Variants in PCDHGA3 observed in about 807,000 individuals in gnomAD.
PCDHGA3 encodes the protein protocadherin gamma-A3.
A neutral mutation model predicts 58.5 loss-of-function variants in PCDHGA3; 40 were observed. That is an observed-to-expected ratio of 0.68 (90% confidence interval 0.53 to 0.89). The LOEUF (loss-of-function observed/expected upper bound fraction) is 0.89. PCDHGA3 is among the 40% of genes least tolerant of loss of function. PCDHGA3 has a pLI of 0.00. For synonymous variants in PCDHGA3, 530 were observed against 525.7 expected (o/e 1.01, Z -0.11); for missense variants, 1,223 against 1,195.9 (o/e 1.02, Z -0.33).
intron 1 of PCDHGA3, chr5:141,404,885 G>C: frequency 1.2e-6 from 2 of 1,613,906 alleles, no homozygotes; most frequent in Non-Finnish European, 1.7e-6. Context: ...CCTTGTGGTG[G>C]CTGTACAGGA....
At position 141,352,366 on chromosome 5, in the gene PCDHGA3, G is replaced by T. The variant is rs186670703; in HGVS notation, c.2424+5909G>T. ...TGATCTCAGTGCTCTTTCTCCTCGC[G>T]GTGATTCTAGCGATCGCCCTGCGCC... On this transcript the variant is annotated intron_variant, in intron 1 of 3. Transcript: ENST00000253812. The T allele has an allele frequency of 3.3e-4, 532 of 1,614,022 alleles. 2 individuals are homozygous for T. In the East Asian group the frequency reaches 7.1e-3, roughly 22 times the overall value.
At position 141,346,408 on chromosome 5, in the gene PCDHGA3, T is replaced by G; in HGVS notation, c.2375T>G (p.Leu792Arg). The G allele has an allele frequency of 6.2e-7, 1 of 1,614,280 alleles. No homozygotes were observed. The highest frequency in any genetic ancestry group is 8.5e-7 in the Non-Finnish European group (1 of 1,180,052). The change falls in exon 1 of 4, where the codon CTG (leucine) becomes CGG (arginine). Residue 792 changes from leucine to arginine, a missense_variant. Physicochemically the swap from Leu to Arg is moderately radical, Grantham distance 102 (BLOSUM62 -2). Coordinates refer to ENST00000253812, the MANE Select transcript of PCDHGA3 (RefSeq NM_018916.4). ...QESCEKSEPL[L>R]ITQDLLEMKG... The stretch of plus-strand genomic sequence containing the variant: ...AGCTGTGAGAAAAGCGAGCCTCTTC[T>G]GATAACTCAGGATTTACTTGAAATG...
At chr5:141,470,124 G>A (rs1038487398) in intron 1 of PCDHGA3, among the ~76,000 whole-genome samples, 4 of 151,358 alleles carry the variant, frequency 2.6e-5, no homozygotes, top group African/African-American at 9.7e-5. Flanking sequence ...GCAAGACTTC[G>A]TCTCAAAAAA....
At chr5:141,390,025 G>A (rs762363185) in intron 1 of PCDHGA3, 2 of 1,613,882 alleles carry the variant, frequency 1.2e-6, no homozygotes, top group African/African-American at 1.3e-5. Flanking sequence ...TTGCGCCTGC[G>A]ACGCTCCTCC....
Position 141,409,742 on chromosome 5 carries a change from G to A in PCDHGA3, c.2424+63285G>A, listed in dbSNP as rs763304955. On this transcript the variant is annotated intron_variant, in intron 1 of 3. Coordinates refer to ENST00000253812, the MANE Select transcript of PCDHGA3 (RefSeq NM_018916.4). Reference sequence around the variant, plus strand: ...GTCAGTGAGCGCGCAGAGCGGGGTGGTGTTCGCGCAGCGCGCCTTTGATCA... The same window carrying A: ...GTCAGTGAGCGCGCAGAGCGGGGTGATGTTCGCGCAGCGCGCCTTTGATCA... 4.3e-6 allele frequency: 7 copies of A among 1,612,986 alleles called. No individual in the cohort carries two copies. In the South Asian group the frequency reaches 5.5e-5, roughly 13 times the overall value.
intron 1 of PCDHGA3, among the ~76,000 whole-genome samples, chr5:141,359,372 T>C (rs1761190910): frequency 6.6e-6 from 1 of 152,032 alleles, no homozygotes; most frequent in African/African-American, 2.4e-5. Flanking sequence ...AGGAAAGCAG[T>C]AGATAATTTA....
rs749309525 is a variant in PCDHGA3 at position 141,345,102 on chromosome 5, C to T, written c.1069C>T (p.Pro357Ser). Residue 357 changes from proline to serine, a missense_variant, in exon 1 of 4, where the codon CCA becomes TCA. This residue lies in a region of PCDHGA3 where 791 missense variants were observed against 708.5 expected (regional missense o/e 1.12). Transcript: ENST00000253812. ...ITITSLTSSV[P>S]EEGTVGREIA... ...AATCACGTCTCTCACAAGCTCAGTC[C>T]CAGAAGAGGGCACCGTTGGAAGAGA... 6.8e-6 allele frequency: 11 copies of T among 1,613,708 alleles called. No homozygotes were observed. Among genetic ancestry groups the T allele is most frequent in the Middle Eastern group, 1.6e-4 (1 of 6,084 alleles).
At chr5:141,409,639 G>T (rs948112966) in intron 1 of PCDHGA3, 2 of 1,613,760 alleles carry the variant, frequency 1.2e-6, no homozygotes, top group African/African-American at 1.3e-5. Flanking sequence ...CCTCTGACCC[G>T]GATTTGGGGC....
intron 1 of PCDHGA3, among the ~76,000 whole-genome samples, chr5:141,480,976 T>G (rs1485868136): frequency 6.6e-6 from 1 of 152,108 alleles, no homozygotes; most frequent in Non-Finnish European, 1.5e-5. Context: ...GGAGAATCAG[T>G]GAACCCAGGA....
intron 1 of PCDHGA3, chr5:141,400,528 A>T (rs764084750): frequency 1.9e-6 from 3 of 1,613,868 alleles, no homozygotes; most frequent in Non-Finnish European, 2.5e-6. Context: ...TGAGTTGGTG[A>T]GTTTCATTTA....
At chr5:141,354,975 T>C (rs1466745484) in intron 1 of PCDHGA3, 5 of 539,240 alleles carry the variant, frequency 9.3e-6, no homozygotes, top group Non-Finnish European at 1.5e-5. Context: ...ACTCTGGGTG[T>C]CGCTGTTCAC....
intron 1 of PCDHGA3, chr5:141,388,189 G>A: frequency 1.3e-6 from 2 of 1,542,748 alleles, no homozygotes; most frequent in Admixed American, 1.7e-5. Context: ...AAGCCAGCTT[G>A]TGCTCTGGAA....
Position 141,477,256 on chromosome 5 carries a change from T to G in PCDHGA3, c.2425-17551T>G. 2 of 1,614,210 alleles carry G rather than the reference T, an allele frequency of 1.2e-6. No homozygotes were observed. The highest frequency in any genetic ancestry group is 1.7e-6 in the Non-Finnish European group (2 of 1,180,038). On this transcript the variant is annotated intron_variant, in intron 1 of 3. Coordinates refer to ENST00000253812, the MANE Select transcript of PCDHGA3 (RefSeq NM_018916.4). This position sits in a 1 kb window ranked among gnomAD's most constrained non-coding sequence, Gnocchi z 4.9. Reference sequence around the variant, plus strand: ...CTTTGCTCAGTGTGACTGACCTGGATGCTGGCGAGAACGGGCTGGTGACCT... The same window carrying G: ...CTTTGCTCAGTGTGACTGACCTGGAGGCTGGCGAGAACGGGCTGGTGACCT...
intron 1 of PCDHGA3, chr5:141,374,263 G>A: frequency 6.2e-7 from 1 of 1,614,016 alleles, no homozygotes; most frequent in Non-Finnish European, 8.5e-7. Flanking sequence ...AGGAGTTGGC[G>A]GAGCACGGAG....
At chr5:141,474,722 C>G (rs1562046141) in intron 1 of PCDHGA3, among the ~76,000 whole-genome samples, 1 of 152,216 alleles carries the variant, frequency 6.6e-6, no homozygotes, top group Non-Finnish European at 1.5e-5. Flanking sequence ...TTCAAAAGGA[C>G]TCTATGCAAT....
At chr5:141,353,477 C>T (rs1759289576) in intron 1 of PCDHGA3, among the ~76,000 whole-genome samples, 1 of 152,138 alleles carries the variant, frequency 6.6e-6, no homozygotes, top group African/African-American at 2.4e-5. Context: ...ATTATTAAGA[C>T]TCTTAACACT....
chr5:141,499,054 TGAA>T (rs2099789231), intron 2 of PCDHGA3, among the ~76,000 whole-genome samples: 1 of 150,820 alleles, frequency 6.6e-6, no homozygotes, highest in Non-Finnish European at 1.5e-5. Context: ...GGAGAAAAAA[TGAA>T]GAAGACTTAC....
intron 1 of PCDHGA3, chr5:141,389,909 C>A: frequency 6.2e-7 from 1 of 1,614,068 alleles, no homozygotes; most frequent in Non-Finnish European, 8.5e-7. Flanking sequence ...ATATCACTGA[C>A]CGCCCCGACC....
At chr5:141,443,209 C>T (rs1183847804) in intron 1 of PCDHGA3, among the ~76,000 whole-genome samples, 2 of 152,030 alleles carry the variant, frequency 1.3e-5, no homozygotes, top group African/African-American at 2.4e-5. Flanking sequence ...GAGCTTGTCT[C>T]GCCAGGCGCA....
Sources: gnomAD v4.1 joint callset for allele counts (sites outside exome capture counted in the v4.1 genomes callset) on GRCh38, gnomAD v4.1.1 for gene constraint, gnomAD v4.1.1 regional missense constraint, Gnocchi (gnomAD v3.1) non-coding constraint, MANE v1.5 for transcripts, NCBI Gene and HGNC (gene_info 2026-07-23, HGNC 2026-07-21) for gene names.